The following SUGP2 variants were observed in gnomAD, a reference collection of about 807,000 sequenced individuals.
SUGP2 encodes SURP and G-patch domain containing 2, also known as SURP and G-patch domain-containing protein 2.
In SUGP2, 24 loss-of-function variants were observed where a neutral mutation model predicts 90.5. The observed-to-expected ratio is 0.27, with a 90% confidence interval of 0.19 to 0.37. The LOEUF is 0.37. Among genes scored for constraint, SUGP2 ranks in the 10% least tolerant of loss-of-function variants. The pLI is 1.00. For missense variants in SUGP2, 1,233 were observed against 1,363.3 expected (o/e 0.90, Z 1.51); for synonymous variants, 473 against 513.4 (o/e 0.92, Z 1.06).
chr19:19,022,403 A>G (rs2058761255), intron 3 of SUGP2, among the ~76,000 whole-genome samples: 1 of 152,188 alleles, frequency 6.6e-6, no homozygotes, highest in South Asian at 2.1e-4. Flanking sequence ...TGCTAACTAC[A>G]TGTGAACCCA....
At chr19:18,995,106 G>GC in intron 9 of SUGP2, 38 bp downstream of exon 9, 1 of 1,584,878 alleles carries the variant, frequency 6.3e-7, no homozygotes, top group Non-Finnish European at 8.6e-7. Flanking sequence ...AAGGACTGAG[G>GC]CCCCACCCAC....
At chr19:19,020,349 G>T (rs9676917) in intron 3 of SUGP2, among the ~76,000 whole-genome samples, 1 of 150,136 alleles carries the variant, frequency 6.7e-6, no homozygotes, top group African/African-American at 2.4e-5. Flanking sequence ...GGAGAATAGC[G>T]TGAACCCGGG....
intron 8 of SUGP2, among the ~76,000 whole-genome samples, chr19:18,998,080 T>C (rs778982769): frequency 1.3e-5 from 2 of 152,168 alleles, no homozygotes; most frequent in Non-Finnish European, 2.9e-5. Flanking sequence ...TCTAGTCCCA[T>C]TCAATTCTCA....
At chr19:19,008,920 G>GT (rs563903067) in intron 5 of SUGP2, among the ~76,000 whole-genome samples, 78 of 151,222 alleles carry the variant, frequency 5.2e-4, no homozygotes, top group Admixed American at 8.6e-4. Flanking sequence ...GGTTTGTTTG[G>GT]TTTTTTTTTG....
chr19:18,996,709 C>T (rs1160247503), intron 8 of SUGP2, among the ~76,000 whole-genome samples: 3 of 152,158 alleles, frequency 2.0e-5, no homozygotes, highest in African/African-American at 7.2e-5. Flanking sequence ...TGTGCCACCA[C>T]GCCCACCTAT....
intron 4 of SUGP2, among the ~76,000 whole-genome samples, chr19:19,016,430 T>C (rs1450094055): frequency 6.6e-6 from 1 of 152,174 alleles, no homozygotes; most frequent in Non-Finnish European, 1.5e-5. Flanking sequence ...GCAGGGGTCA[T>C]GGGGCAGAGG....
At chr19:19,032,063 AG>A (rs751709481) in intron 1 of SUGP2, among the ~76,000 whole-genome samples, 2 of 152,088 alleles carry the variant, frequency 1.3e-5, no homozygotes, top group African/African-American at 2.4e-5. Flanking sequence ...TGCTGGAGGA[AG>A]GTGTCAACCA....
rs58282570 is a variant in SUGP2, at chr19:19,002,505, G to GTTT, written c.2930-834_2930-832dup. The stretch of plus-strand genomic sequence containing the variant: ...TTATGAAAGGGAGATTAGCAAGTCT[G>GTTT]TTTTTTTTTTTTTTTTTTTTTTTTT... On this transcript the variant is annotated intron_variant, in intron 7 of 10. Transcript: ENST00000452918. 5.8e-3 allele frequency among the ~76,000 whole-genome samples: 354 copies of GTTT among 61,072 alleles called. 4 individuals carry two copies. The highest frequency in any genetic ancestry group is 6.3e-3 in the Non-Finnish European group (218 of 34,870). 40.1% of individuals were successfully genotyped at this position (61,072 alleles called of 152,430 possible). A position where few individuals can be genotyped will look rare whatever the true frequency, so the allele number is the denominator to read the frequency against.
At chr19:19,003,172 A>G (rs902812578) in intron 7 of SUGP2, among the ~76,000 whole-genome samples, 1 of 152,216 alleles carries the variant, frequency 6.6e-6, no homozygotes, top group South Asian at 2.1e-4. Flanking sequence ...TGCAACACCA[A>G]ATTTTTCAAA....
In SUGP2 at chr19:18,992,823, T is replaced by C. The variant is rs1394739178; in HGVS notation, c.*918A>G. On this transcript the variant is annotated 3_prime_UTR_variant, in exon 11 of 11. Transcript: ENST00000452918. Reference sequence around the variant, plus strand: ...AACGATCCTGCTTCACAAGGAAGGATGAGTGGAGAATTGAGTGGAGTTACA... The same window carrying C: ...AACGATCCTGCTTCACAAGGAAGGACGAGTGGAGAATTGAGTGGAGTTACA... The C allele has an allele frequency of 6.6e-6, 1 of 152,126 alleles. No homozygotes were observed. The highest frequency in any genetic ancestry group is 2.4e-5 in the African/African-American group (1 of 41,406). The allele number at this position is 152,126 out of a possible 1,614,324, so 9.4% of individuals were successfully genotyped here.
intron 8 of SUGP2, among the ~76,000 whole-genome samples, chr19:18,998,067 T>C (rs1599396068): frequency 1.3e-5 from 2 of 152,128 alleles, no homozygotes; most frequent in African/African-American, 4.8e-5. Flanking sequence ...CCACTGGCTG[T>C]TCTCTAGTCC....
At position 19,016,979 on chromosome 19, in the gene SUGP2, C is replaced by G. The variant is rs561294348; in HGVS notation, c.1850+2130G>C. Among the ~76,000 whole-genome samples, 4 of 152,274 alleles carry G rather than the reference C, an allele frequency of 2.6e-5. No individual in the cohort carries two copies. In the South Asian group the frequency reaches 8.3e-4, roughly 32 times the overall value. On this transcript the variant is annotated intron_variant, in intron 4 of 10. Transcript: ENST00000452918. ...AAAACCACAATAAGCTCCAACCTTC[C>G]CCTTGGTAAATCATGGTGGGTAGGA...
chr19:19,004,654 A>G lies in SUGP2; in HGVS notation c.2451-8T>C, dbSNP rs1475792245. The stretch of plus-strand genomic sequence containing the variant: ...TTTTGGTCATGTAGAAACCTGGGGC[A>G]CAGAGGAAATACATTGGGTAACCAG... On this transcript the variant is annotated splice_polypyrimidine_tract_variant and splice_region_variant and intron_variant, in intron 6 of 10. Coordinates refer to ENST00000452918, the MANE Select transcript of SUGP2 (RefSeq NM_001017392.5). The G allele has an allele frequency of 6.3e-7, 1 of 1,583,802 alleles. No individual in the cohort carries two copies.
intron 4 of SUGP2, among the ~76,000 whole-genome samples, chr19:19,015,045 CA>C (rs1233574297): frequency 6.6e-6 from 1 of 151,204 alleles, no homozygotes; most frequent in Non-Finnish European, 1.5e-5. Context: ...ACTAAAAATA[CA>C]AAAAAATTAG....
intron 4 of SUGP2, among the ~76,000 whole-genome samples, chr19:19,016,088 G>C (rs2058490037): frequency 6.6e-6 from 1 of 152,116 alleles, no homozygotes; most frequent in African/African-American, 2.4e-5. Flanking sequence ...GTCAGGAGTT[G>C]GTTGAGTTTG....
chr19:19,006,084 C>G (rs1217064525), intron 6 of SUGP2, among the ~76,000 whole-genome samples: 1 of 151,838 alleles, frequency 6.6e-6, no homozygotes, highest in Non-Finnish European at 1.5e-5. Flanking sequence ...CAAAAATTAG[C>G]TGGGTGACAC....
chr19:19,019,028 C>A, intron 4 of SUGP2, 81 bp downstream of exon 4: 2 of 1,472,934 alleles, frequency 1.4e-6, no homozygotes, highest in Non-Finnish European at 9.3e-7. Flanking sequence ...TCACCCTCTG[C>A]TCTCAATACC....
At chr19:19,005,126 C>T (rs886311701) in intron 6 of SUGP2, among the ~76,000 whole-genome samples, 4 of 152,198 alleles carry the variant, frequency 2.6e-5, no homozygotes, top group African/African-American at 9.7e-5. Context: ...CTCCTCACCC[C>T]TAGCACTTCC....
rs74574826 is a variant in SUGP2, at chr19:19,000,465, G to T, written c.2991+1148C>A. Among the ~76,000 whole-genome samples the T allele has an allele frequency of 6.8e-4, 103 of 152,326 alleles. 1 individual carries two copies. The East Asian group carries it at 0.019, about 28-fold the overall frequency. Reference sequence around the variant, plus strand: ...TGGACAGTCGGGACCTGGCACGTAGGAGGTGCTGACCGCACACACCACGCT... The same window carrying T: ...TGGACAGTCGGGACCTGGCACGTAGTAGGTGCTGACCGCACACACCACGCT... On this transcript the variant is annotated intron_variant, in intron 8 of 10. Transcript: ENST00000452918.
Sources: gnomAD v4.1 joint callset for allele counts (sites outside exome capture counted in the v4.1 genomes callset) on GRCh38, gnomAD v4.1.1 for gene constraint, MANE v1.5 for transcripts, NCBI Gene and HGNC (gene_info 2026-07-23, HGNC 2026-07-21) for gene names.